The following FYB1 variants were observed in gnomAD, a reference collection of about 807,000 sequenced individuals.
FYB1 encodes the protein FYN-binding protein 1.
FYB1 carries 41 observed loss-of-function variants against 94.1 expected under a neutral mutation model. That is an observed-to-expected ratio of 0.44 (90% CI 0.34 to 0.57). The LOEUF is 0.57. Among genes scored for constraint, FYB1 ranks in the 20% least tolerant of loss-of-function variants. The pLI, the probability that FYB1 is intolerant of heterozygous loss-of-function variation, is 0.02. For synonymous variants in FYB1, 367 were observed against 353.2 expected (o/e 1.04, Z -0.44); for missense variants, 1,050 against 976.8 (o/e 1.07, Z -1.00).
chr5:39,222,504 T>C (rs1171630594), upstream of FYB1, among the ~76,000 whole-genome samples: 2 of 152,220 alleles, frequency 1.3e-5, no homozygotes, highest in Non-Finnish European at 2.9e-5. Context: ...CCTAAAAGTA[T>C]ATACATTTTT....
At chr5:39,268,629 C>T (rs776574796) in intron 1 of FYB1, among the ~76,000 whole-genome samples, 9 of 151,866 alleles carry the variant, frequency 5.9e-5, no homozygotes, top group Non-Finnish European at 1.0e-4. Flanking sequence ...TGCAATGGCG[C>T]GATCTCGGCC....
chr5:39,156,439 G>C (rs573408501), intron 2 of FYB1, among the ~76,000 whole-genome samples: 2 of 152,294 alleles, frequency 1.3e-5, no homozygotes, highest in Admixed American at 6.5e-5. Flanking sequence ...CAAAACCAGA[G>C]GGAAGCAGGG....
Position 39,206,605 on chromosome 5 carries a change from C to T in FYB1, c.-27-3618G>A, listed in dbSNP as rs146800100. ...AACTTAGTTCCCCAGTTCTAGGCTA[C>T]GCTGATGTCCTCATTTACCAGTACA... On this transcript the variant is annotated intron_variant, in intron 1 of 18. Coordinates refer to ENST00000512982, the MANE Select transcript of FYB1 (RefSeq NM_001465.6). Among the ~76,000 whole-genome samples, 1,445 of 152,202 alleles carry T rather than the reference C, an allele frequency of 9.5e-3. 28 individuals are homozygous for T. Among genetic ancestry groups the T allele is most frequent in the Admixed American group, 0.044 (675 of 15,278 alleles).
intron 3 of FYB1, among the ~76,000 whole-genome samples, chr5:39,147,379 C>T (rs997982992): frequency 2.6e-5 from 4 of 151,662 alleles, no homozygotes; most frequent in Admixed American, 1.3e-4. Flanking sequence ...GGGGATCCTC[C>T]TACCACAGCC....
intron 6 of FYB1, 22 bp from the exon 7 acceptor site, chr5:39,137,742 T>G: frequency 6.4e-7 from 1 of 1,550,638 alleles, no homozygotes; most frequent in Non-Finnish European, 8.7e-7. Context: ...AATTGTTAGG[T>G]TGTTTTCACA....
chr5:39,179,488 G>A (rs1390128872), intron 2 of FYB1, among the ~76,000 whole-genome samples: 1 of 151,912 alleles, frequency 6.6e-6, no homozygotes, highest in African/African-American at 2.4e-5. Context: ...TTTCTCCCAC[G>A]GATGCTCTGA....
intron 3 of FYB1, among the ~76,000 whole-genome samples, chr5:39,149,276 G>A (rs1418163623): frequency 1.3e-5 from 2 of 152,198 alleles, no homozygotes; most frequent in African/African-American, 4.8e-5. Flanking sequence ...GGAGTAGGCA[G>A]AACAGGCTGC....
chr5:39,239,607 G>A (rs1271181483), intron 1 of FYB1, among the ~76,000 whole-genome samples: 2 of 151,912 alleles, frequency 1.3e-5, no homozygotes, highest in Non-Finnish European at 2.9e-5. Flanking sequence ...TAACCATAGA[G>A]GGGAAAGATC....
At chr5:39,115,058 T>C (rs1739400217) in intron 16 of FYB1, among the ~76,000 whole-genome samples, 1 of 151,810 alleles carries the variant, frequency 6.6e-6, no homozygotes, top group Non-Finnish European at 1.5e-5. Flanking sequence ...TCATGGGCAT[T>C]CCAAGTTGAA....
chr5:39,112,016 A>T (rs1028958055), intron 16 of FYB1, among the ~76,000 whole-genome samples: 4 of 152,010 alleles, frequency 2.6e-5, no homozygotes, highest in Non-Finnish European at 5.9e-5. Flanking sequence ...TAAGGTATAC[A>T]TAATAATTTA....
At chr5:39,226,666 T>C (rs144592461) in intron 1 of FYB1, among the ~76,000 whole-genome samples, 1 of 152,240 alleles carries the variant, frequency 6.6e-6, no homozygotes, top group African/African-American at 2.4e-5. Flanking sequence ...TTGTCAGGGG[T>C]AGAGTTCACT....
chr5:39,217,178 T>C (rs1749933241), intron 1 of FYB1, among the ~76,000 whole-genome samples: 1 of 152,236 alleles, frequency 6.6e-6, no homozygotes, highest in African/African-American at 2.4e-5. Context: ...TGGGACATGC[T>C]TGGCCCTGGG....
intron 1 of FYB1, among the ~76,000 whole-genome samples, chr5:39,250,193 T>C (rs1290402594): frequency 6.6e-6 from 1 of 152,188 alleles, no homozygotes; most frequent in East Asian, 1.9e-4. Context: ...GGCAGTTCTT[T>C]ATGGCAGTGT....
chr5:39,151,316 G>C (rs1743223872), intron 3 of FYB1, among the ~76,000 whole-genome samples: 1 of 152,058 alleles, frequency 6.6e-6, no homozygotes, highest in South Asian at 2.1e-4. Context: ...TTGAGATAGG[G>C]TCTTGCTCTG....
chr5:39,157,518 T>TAA (rs1246440369), intron 2 of FYB1, among the ~76,000 whole-genome samples: 1 of 152,132 alleles, frequency 6.6e-6, no homozygotes, highest in Non-Finnish European at 1.5e-5. Context: ...GAATGACTGA[T>TAA]AATAGCTGGT....
At chr5:39,186,549 C>T (rs1424949603) in intron 2 of FYB1, among the ~76,000 whole-genome samples, 1 of 149,500 alleles carries the variant, frequency 6.7e-6, no homozygotes, top group Non-Finnish European at 1.5e-5. Flanking sequence ...ACTGCATCTA[C>T]AAGAGGATCA....
intron 1 of FYB1, among the ~76,000 whole-genome samples, chr5:39,262,010 C>A (rs147058235): frequency 0.011 from 1,666 of 152,096 alleles, 32 homozygotes; most frequent in African/African-American, 0.038. Flanking sequence ...TGATTAAAGA[C>A]CTAAACATGA....
At chr5:39,185,350 A>T (rs999329819) in intron 2 of FYB1, among the ~76,000 whole-genome samples, 1 of 151,862 alleles carries the variant, frequency 6.6e-6, no homozygotes, top group Non-Finnish European at 1.5e-5. Context: ...AAGATAACCC[A>T]TTATTTTTCT....
At chr5:39,215,498 C>T (rs1028555007) in intron 1 of FYB1, among the ~76,000 whole-genome samples, 4 of 152,070 alleles carry the variant, frequency 2.6e-5, no homozygotes, top group African/African-American at 9.7e-5. Flanking sequence ...GTGGTCCAAC[C>T]CACCCTGCTG....
Sources: gnomAD v4.1 joint callset for allele counts (sites outside exome capture counted in the v4.1 genomes callset) on GRCh38, gnomAD v4.1.1 for gene constraint, MANE v1.5 for transcripts, NCBI Gene and HGNC (gene_info 2026-07-23, HGNC 2026-07-21) for gene names.